Variants in CRYBG3 observed in about 807,000 individuals in gnomAD.
CRYBG3 encodes crystallin beta-gamma domain containing 3.
Under a neutral mutation model 244.2 loss-of-function variants are expected in CRYBG3, and 127 were observed. That is an observed-to-expected ratio of 0.52 (90% confidence interval 0.45 to 0.60). The LOEUF is 0.60. CRYBG3 is among the 20% of genes least tolerant of loss of function. The pLI, the probability that CRYBG3 is intolerant of heterozygous loss-of-function variation, is 0.00. For missense variants in CRYBG3, 3,325 were observed against 3,442.5 expected (o/e 0.97, Z 0.85); for synonymous variants, 1,132 against 1,195.8 (o/e 0.95, Z 1.10).
chr3:97,898,501 A>G (rs2039665409), intron 12 of CRYBG3, among the ~76,000 whole-genome samples: 1 of 152,180 alleles, frequency 6.6e-6, no homozygotes, highest in Non-Finnish European at 1.5e-5. Context: ...ATTTAAGCTC[A>G]TAAAATCCTG....
At chr3:97,832,391 A>T (rs1229923557) in intron 1 of CRYBG3, among the ~76,000 whole-genome samples, 1 of 152,162 alleles carries the variant, frequency 6.6e-6, no homozygotes. Context: ...ATGGAACAGA[A>T]CAGAGGCCTC....
chr3:97,912,749 G>A (rs775096915), intron 16 of CRYBG3, among the ~76,000 whole-genome samples: 1 of 151,720 alleles, frequency 6.6e-6, no homozygotes, highest in African/African-American at 2.4e-5. Context: ...TGATTCCTTT[G>A]GTCTTTTTTT....
chr3:97,930,597 T>C (rs2040086865), intron 17 of CRYBG3, among the ~76,000 whole-genome samples: 1 of 152,064 alleles, frequency 6.6e-6, no homozygotes, highest in African/African-American at 2.4e-5. Context: ...ATGGTCTCAC[T>C]GCACACAGCA....
At chr3:97,924,648 C>T (rs147508674) in intron 17 of CRYBG3, among the ~76,000 whole-genome samples, 3 of 152,154 alleles carry the variant, frequency 2.0e-5, no homozygotes, top group East Asian at 1.9e-4. Flanking sequence ...TAACTCATGA[C>T]CTTCTTTCAT....
intron 18 of CRYBG3, among the ~76,000 whole-genome samples, chr3:97,935,171 G>A (rs1441310794): frequency 6.6e-6 from 1 of 152,032 alleles, no homozygotes; most frequent in Non-Finnish European, 1.5e-5. Flanking sequence ...TCTTTGATCT[G>A]TGATGATGAC....
intron 1 of CRYBG3, among the ~76,000 whole-genome samples, chr3:97,833,608 T>C (rs543533728): frequency 1.3e-5 from 2 of 152,030 alleles, no homozygotes; most frequent in Admixed American, 6.6e-5. Flanking sequence ...TTAGGAGAAA[T>C]ACCTAATGTG....
At position 97,864,440 on chromosome 3, in the gene CRYBG3, A is replaced by T; in HGVS notation, c.440A>T (p.Asp147Val). Reference protein sequence around the residue: ...LGEAKQSSFKDDQDKTEKDLQ... With the variant: ...LGEAKQSSFKVDQDKTEKDLQ... The stretch of plus-strand genomic sequence containing the variant: ...GAAGCTAAGCAGTCTTCTTTCAAAG[A>T]TGACCAGGATAAAACTGAGAAGGAT... Residue 147 changes from aspartate (D) to valine (V), a missense_variant, in exon 3 of 22, where the codon GAT (aspartate) becomes GTT (valine). Around this residue, in one of 4 missense-constraint regions of CRYBG3, gnomAD observed 1,526 missense variants for 1,443.2 expected, o/e 1.06. Transcript: ENST00000389622. The T allele has an allele frequency of 6.5e-7, 1 of 1,535,984 alleles. No homozygotes were observed. Among genetic ancestry groups the T allele is most frequent in the South Asian group, 1.2e-5 (1 of 84,056 alleles).
chr3:97,843,644 G>T (rs1413024695), intron 2 of CRYBG3, among the ~76,000 whole-genome samples: 4 of 152,182 alleles, frequency 2.6e-5, no homozygotes, highest in Non-Finnish European at 5.9e-5. Flanking sequence ...AAGCAATAGT[G>T]CTTTTGGAGG....
rs1340653286 is a variant in CRYBG3, at chr3:97,941,192, T to C, written c.8550T>C (p.Tyr2850=). The change falls in exon 20 of 22, where the codon TAT becomes TAC. Residue 2850 remains tyrosine, a synonymous_variant. Coordinates refer to ENST00000389622, the MANE Select transcript of CRYBG3 (RefSeq NM_153605.4). ...TAAAGAACCGTGCCCAGGGTGAATA[T>C]CTGACAGTCACTGGAAGTCTAGCAG... ...IRIKNRAQGE[Y]LTVTGSLADT... 1 of 1,611,702 alleles carries C rather than the reference T, an allele frequency of 6.2e-7. No homozygotes were observed. Among genetic ancestry groups the C allele is most frequent in the African/African-American group, 1.3e-5 (1 of 74,716 alleles).
chr3:97,882,423 G>A (rs1443304993), intron 7 of CRYBG3, among the ~76,000 whole-genome samples: 2 of 151,990 alleles, frequency 1.3e-5, no homozygotes, highest in Non-Finnish European at 2.9e-5. Flanking sequence ...GATTGGAATA[G>A]GAAGGGAAGG....
rs528547824 is a variant in CRYBG3 at position 97,873,499 on chromosome 3, T to G, written c.2305T>G (p.Ser769Ala). 2.0e-6 allele frequency: 3 copies of G among 1,536,030 alleles called. No homozygotes were observed. The East Asian group carries it at 7.3e-5, about 38-fold the overall frequency. The change falls in exon 4 of 22, where the codon TCT becomes GCT. Residue 769 changes from serine (S) to alanine (A), a missense_variant. Transcript: ENST00000389622. ...ELLSFDSGNL[S>A]KDCSSILSQD... Reference sequence around the variant, plus strand: ...ATTGAGCTTTGACTCTGGAAACCTCTCTAAGGATTGCAGTTCCATTTTATC... The same window carrying G: ...ATTGAGCTTTGACTCTGGAAACCTCGCTAAGGATTGCAGTTCCATTTTATC...
chr3:97,862,690 A>G (rs1397331257), intron 2 of CRYBG3, among the ~76,000 whole-genome samples: 4 of 152,160 alleles, frequency 2.6e-5, no homozygotes, highest in Admixed American at 2.0e-4. Context: ...TCTCAGAATG[A>G]GCAGAAGGTT....
rs575695793 is a variant in CRYBG3, at chr3:97,832,492, G to A, written c.149+10137G>A. ...GAAAGGATTCCCTATTTAATAAATGGTTTTGGGAAAACTGGCTAGCCACAT... is the reference window on the plus strand; with the variant it reads ...GAAAGGATTCCCTATTTAATAAATGATTTTGGGAAAACTGGCTAGCCACAT... On this transcript the variant is annotated intron_variant, in intron 1 of 21. Coordinates refer to ENST00000389622, the MANE Select transcript of CRYBG3 (RefSeq NM_153605.4). 6.8e-4 allele frequency among the ~76,000 whole-genome samples: 104 copies of A among 152,234 alleles called. 2 individuals carry two copies. In the East Asian group the frequency reaches 0.018, roughly 26 times the overall value.
At chr3:97,854,112 T>A (rs2039028428) in intron 2 of CRYBG3, among the ~76,000 whole-genome samples, 1 of 152,148 alleles carries the variant, frequency 6.6e-6, no homozygotes, top group Non-Finnish European at 1.5e-5. Context: ...TTTGTATGCT[T>A]TGTTGAAGAT....
Position 97,833,140 on chromosome 3 carries a change from T to C in CRYBG3, c.150-10055T>C, listed in dbSNP as rs1375901425. ...GGAGTGTAAATTAGGTTAACCATTG[T>C]GGAAGACAGTGTGGCGATTCCTCAA... On this transcript the variant is annotated intron_variant, in intron 1 of 21. Transcript: ENST00000389622. Among the ~76,000 whole-genome samples, 4 of 152,324 alleles carry C rather than the reference T, an allele frequency of 2.6e-5. No individual in the cohort carries two copies. The East Asian group carries it at 7.7e-4, about 29-fold the overall frequency.
chr3:97,889,506 A>G, intron 10 of CRYBG3, 116 bp downstream of exon 10: 1 of 885,028 alleles, frequency 1.1e-6, no homozygotes, highest in Non-Finnish European at 1.8e-6. Context: ...TACTTAGCTA[A>G]TGGATTTTGG....
chr3:97,827,619 C>G (rs1269682628), intron 1 of CRYBG3, among the ~76,000 whole-genome samples: 1 of 152,142 alleles, frequency 6.6e-6, no homozygotes, highest in African/African-American at 2.4e-5. Flanking sequence ...ACAAACTAAC[C>G]TTTATTAAGG....
At chr3:97,867,294 T>C (rs1274569295) in intron 3 of CRYBG3, 2 of 152,226 alleles carry the variant, frequency 1.3e-5, no homozygotes, top group East Asian at 3.8e-4. Context: ...AAAATGTATC[T>C]TCCTCATTTG....
At chr3:97,909,205 T>C (rs1316974798) in intron 15 of CRYBG3, among the ~76,000 whole-genome samples, 1 of 149,468 alleles carries the variant, frequency 6.7e-6, no homozygotes, top group Non-Finnish European at 1.5e-5. Context: ...TCAACTTTGG[T>C]GAATCTGACA....
Sources: gnomAD v4.1 joint callset for allele counts (sites outside exome capture counted in the v4.1 genomes callset) on GRCh38, gnomAD v4.1.1 for gene constraint, gnomAD v4.1.1 regional missense constraint, MANE v1.5 for transcripts, NCBI Gene and HGNC (gene_info 2026-07-23, HGNC 2026-07-21) for gene names.